SAMD12: variants seen among roughly 807,000 people sequenced by gnomAD.
SAMD12 encodes the protein sterile alpha motif domain-containing protein 12.
Under a neutral mutation model 15.0 loss-of-function variants are expected in SAMD12, and 9 were observed. The observed-to-expected ratio is 0.60, with a 90% CI of 0.36 to 1.05. The LOEUF (loss-of-function observed/expected upper bound fraction) is 1.05. SAMD12 is among the 50% of genes least tolerant of loss of function. The pLI, the probability that SAMD12 is intolerant of heterozygous loss-of-function variation, is 0.01. For missense variants in SAMD12, 230 were observed against 234.2 expected (o/e 0.98, Z 0.12); for synonymous variants, 86 against 90.1 (o/e 0.96, Z 0.25).
chr8:118,426,238 GT>G (rs1272155205), intron 3 of SAMD12, among the ~76,000 whole-genome samples: 1 of 152,142 alleles, frequency 6.6e-6, no homozygotes, highest in Non-Finnish European at 1.5e-5. Context: ...TATTGTCCGG[GT>G]TTTAACTCCT....
chr8:118,567,333 C>T lies in SAMD12; in HGVS notation c.192+13382G>A, dbSNP rs373778741. 1.9e-4 allele frequency among the ~76,000 whole-genome samples: 29 copies of T among 152,034 alleles called. No homozygotes were observed. The South Asian group carries it at 4.8e-3, about 25-fold the overall frequency. ...AAACACCTTCTGCTTGATAAAAAAA[C>T]GCAAGCTTTGATGTTTTCCTGTCAT... On this transcript the variant is annotated intron_variant, in intron 2 of 3. Transcript: ENST00000314727.
intron 3 of SAMD12, among the ~76,000 whole-genome samples, chr8:118,424,238 T>C (rs1822147158): frequency 1.3e-5 from 2 of 152,206 alleles, no homozygotes. Flanking sequence ...ATTCTTTACA[T>C]ACAAATGTAT....
intron 3 of SAMD12, among the ~76,000 whole-genome samples, chr8:118,380,201 T>C (rs187079093): frequency 7.9e-5 from 12 of 152,318 alleles, no homozygotes; most frequent in Admixed American, 7.8e-4. Context: ...CTGAGAAATA[T>C]GCATTTAAAG....
chr8:118,498,951 C>A (rs1342922250), intron 2 of SAMD12, among the ~76,000 whole-genome samples: 4 of 152,118 alleles, frequency 2.6e-5, no homozygotes, highest in African/African-American at 4.8e-5. Flanking sequence ...CTTTACACCC[C>A]CTGCACTCTC....
chr8:118,603,704 G>A (rs987251946), intron 1 of SAMD12, among the ~76,000 whole-genome samples: 3 of 152,100 alleles, frequency 2.0e-5, no homozygotes, highest in Non-Finnish European at 4.4e-5. Flanking sequence ...GGCATCCCAC[G>A]GACGATGGTG....
the SAMD12 span, among the ~76,000 whole-genome samples, chr8:118,167,340 A>T: frequency 6.6e-6 from 1 of 152,048 alleles, no homozygotes; most frequent in African/African-American, 2.4e-5. Context: ...GCTGACTTGT[A>T]AGCAAGAGGA....
intron 1 of SAMD12, among the ~76,000 whole-genome samples, chr8:118,613,698 A>G (rs954009632): frequency 1.1e-4 from 16 of 152,224 alleles, no homozygotes; most frequent in African/African-American, 3.9e-4. Flanking sequence ...GCCATGGCAT[A>G]TGATTCCAGC....
At chr8:118,430,002 G>A (rs914062663) in intron 3 of SAMD12, among the ~76,000 whole-genome samples, 6 of 152,082 alleles carry the variant, frequency 3.9e-5, no homozygotes, top group Admixed American at 6.5e-5. Context: ...TTACCTGTAC[G>A]TTCACCATAA....
chr8:118,161,709 TTTATTA>T, the SAMD12 span, among the ~76,000 whole-genome samples: 3 of 150,078 alleles, frequency 2.0e-5, no homozygotes, highest in African/African-American at 7.3e-5. Context: ...TAATAAATTA[TTTATTA>T]TTATTATTAT....
At chr8:118,163,879 A>T in the SAMD12 span, among the ~76,000 whole-genome samples, 26 of 5,604 alleles carry the variant, frequency 4.6e-3, no homozygotes, top group Non-Finnish European at 0.061. Context: ...CGTCTCAAAC[A>T]AAACAAAACA....
intron 1 of SAMD12, among the ~76,000 whole-genome samples, chr8:118,582,014 A>G (rs1365287705): frequency 6.6e-6 from 1 of 152,078 alleles, no homozygotes; most frequent in African/African-American, 2.4e-5. Flanking sequence ...CCGTGACTCA[A>G]AAAGTCCAAC....
intron 3 of SAMD12, among the ~76,000 whole-genome samples, chr8:118,431,473 ACTTTT>A (rs1563856085): frequency 6.6e-6 from 1 of 151,690 alleles, no homozygotes; most frequent in African/African-American, 2.4e-5. Flanking sequence ...GCCTTTCCTT[ACTTTT>A]CTTTTATGTT....
intron 1 of SAMD12, chr8:118,621,570 C>T: frequency 1.7e-6 from 1 of 586,768 alleles, no homozygotes; most frequent in African/African-American, 1.9e-5. Context: ...CGTCTCCACA[C>T]CTCCTACCTC....
intron 2 of SAMD12, among the ~76,000 whole-genome samples, chr8:118,458,309 A>G (rs1248541137): frequency 6.6e-6 from 1 of 152,046 alleles, no homozygotes; most frequent in Non-Finnish European, 1.5e-5. Context: ...AATTAAAAAC[A>G]CTCATCTTCT....
At chr8:118,525,045 T>A (rs578011791) in intron 2 of SAMD12, among the ~76,000 whole-genome samples, 1 of 152,274 alleles carries the variant, frequency 6.6e-6, no homozygotes, top group African/African-American at 2.4e-5. Context: ...CACAATAGTC[T>A]CCCTGGCTTT....
rs535666588 is a variant in SAMD12, at chr8:118,541,019, T to C, written c.192+39696A>G. ...GTTTCTTAAATCTCAACTGGCAGAATTGCGTAAACCTAGAGCTATAAGGAC... is the reference window on the plus strand; with the variant it reads ...GTTTCTTAAATCTCAACTGGCAGAACTGCGTAAACCTAGAGCTATAAGGAC... On this transcript the variant is annotated intron_variant, in intron 2 of 3. Coordinates refer to ENST00000314727, the MANE Select transcript of SAMD12 (RefSeq NM_207506.3). Among the ~76,000 whole-genome samples the C allele has an allele frequency of 1.1e-4, 16 of 152,286 alleles. No individual in the cohort carries two copies. In the South Asian group the frequency reaches 2.9e-3, roughly 28 times the overall value.
the SAMD12 span, among the ~76,000 whole-genome samples, chr8:118,169,712 T>C: frequency 3.3e-5 from 5 of 152,282 alleles, no homozygotes; most frequent in South Asian, 1.0e-3. Flanking sequence ...GTACAGTTTC[T>C]AAAACATTTT....
At chr8:118,619,246 GGT>G (rs1828326910) in intron 1 of SAMD12, among the ~76,000 whole-genome samples, 1 of 151,994 alleles carries the variant, frequency 6.6e-6, no homozygotes, top group African/African-American at 2.4e-5. Context: ...GGCACTTCGA[GGT>G]GGGCAGATCA....
downstream of SAMD12, among the ~76,000 whole-genome samples, chr8:118,184,905 T>C (rs6997928): frequency 0.28 from 9,554 of 34,548 alleles, 824 homozygotes; most frequent in African/African-American, 0.41. Context: ...CATTTGTTCT[T>C]TTTTTTTTTT....
Sources: gnomAD v4.1 joint callset for allele counts (sites outside exome capture counted in the v4.1 genomes callset) on GRCh38, gnomAD v4.1.1 for gene constraint, MANE v1.5 for transcripts, NCBI Gene and HGNC (gene_info 2026-07-23, HGNC 2026-07-21) for gene names.